WDPCP: variants seen among roughly 807,000 people sequenced by gnomAD.
WDPCP encodes the protein WD repeat containing planar cell polarity effector.
In WDPCP, 71 loss-of-function variants were observed where a neutral mutation model predicts 93.1. The ratio of observed to expected loss-of-function variants is 0.76; its 90% CI spans 0.63 to 0.93. The LOEUF (loss-of-function observed/expected upper bound fraction) is 0.93, where lower values mean the gene tolerates loss of function less well. Among genes scored for constraint, WDPCP ranks in the 40% least tolerant of loss-of-function variants. WDPCP has a pLI of 0.00. For synonymous variants in WDPCP, 315 were observed against 315.0 expected, an observed-to-expected ratio of 1.00 and a Z score of 0.00; for missense variants, 844 against 887.4, an observed-to-expected ratio of 0.95 and a Z score of 0.62.
intron 2 of WDPCP, among the ~76,000 whole-genome samples, chr2:63,675,427 G>A (rs1254655623): frequency 6.6e-6 from 1 of 152,112 alleles, no homozygotes; most frequent in African/African-American, 2.4e-5. Flanking sequence ...GCAGGTAAGG[G>A]AATGGTTCTA....
intron 9 of WDPCP, among the ~76,000 whole-genome samples, chr2:63,410,116 C>A (rs774178686): frequency 2.0e-5 from 3 of 152,140 alleles, no homozygotes; most frequent in Non-Finnish European, 2.9e-5. Flanking sequence ...AGCTGTGAGA[C>A]AGAAGCACGT....
chr2:63,710,409 G>A (rs1273865913), intron 2 of WDPCP, among the ~76,000 whole-genome samples: 1 of 152,122 alleles, frequency 6.6e-6, no homozygotes, highest in Non-Finnish European at 1.5e-5. Flanking sequence ...AGCAGTAATA[G>A]CCCCTCATTG....
intron 12 of WDPCP, among the ~76,000 whole-genome samples, chr2:63,328,596 A>C (rs1351892632): frequency 6.6e-6 from 1 of 152,062 alleles, no homozygotes; most frequent in Non-Finnish European, 1.5e-5. Flanking sequence ...GAACTGTAAC[A>C]CTCACTGCGA....
In WDPCP at chr2:63,282,480, G is replaced by T. The variant is rs544991841; in HGVS notation, c.1813-23071C>A. 2.0e-5 allele frequency among the ~76,000 whole-genome samples: 3 copies of T among 152,296 alleles called. No homozygotes were observed. In the East Asian group the frequency reaches 5.8e-4, roughly 29 times the overall value. ...AGATCGCGCCACTGCACTCCAGCCT[G>T]GGCGACAGAGCGAGACTCTGTCTCA... On this transcript the variant is annotated intron_variant, in intron 13 of 17. Transcript: ENST00000272321.
intron 12 of WDPCP, among the ~76,000 whole-genome samples, chr2:63,352,048 G>C (rs549049475): frequency 2.6e-5 from 4 of 152,180 alleles, no homozygotes; most frequent in African/African-American, 9.6e-5. Flanking sequence ...TTTCATGTTT[G>C]TTGGCTGCTT....
chr2:63,692,326 A>G (rs984917973), intron 2 of WDPCP, among the ~76,000 whole-genome samples: 1 of 152,162 alleles, frequency 6.6e-6, no homozygotes, highest in African/African-American at 2.4e-5. Flanking sequence ...TGTATGAGAG[A>G]AACTGGAATG....
intron 12 of WDPCP, among the ~76,000 whole-genome samples, chr2:63,371,332 G>A (rs546959730): frequency 7.9e-5 from 12 of 152,046 alleles, no homozygotes; most frequent in African/African-American, 1.7e-4. Flanking sequence ...GGCCACCATC[G>A]CTTACTCAAT....
Position 63,770,444 on chromosome 2 carries a change from C to A in WDPCP, n.308+43178G>T, listed in dbSNP as rs114617478. On this transcript the variant is annotated intron_variant and non_coding_transcript_variant, in intron 2 of 4. Coordinates refer to the WDPCP transcript ENST00000467687. ...GTTAAAGTGAAGCATATTAAATTAT[C>A]TGTATTCAACTATTTTTTACCTACA... Among the ~76,000 whole-genome samples the A allele has an allele frequency of 5.8e-3, 885 of 151,966 alleles. 12 individuals carry two copies. The highest frequency in any genetic ancestry group is 0.02 in the African/African-American group (847 of 41,526).
At chr2:63,126,218 G>A (rs535483623) in intron 17 of WDPCP, among the ~76,000 whole-genome samples, 3 of 152,314 alleles carry the variant, frequency 2.0e-5, no homozygotes, top group African/African-American at 7.2e-5. Context: ...ACAGGTGTAA[G>A]CCAATGCACC....
chr2:63,562,538 TAAA>T (rs1706706065), intron 1 of WDPCP, among the ~76,000 whole-genome samples: 2 of 152,156 alleles, frequency 1.3e-5, no homozygotes, highest in Non-Finnish European at 2.9e-5. Flanking sequence ...ATAAAATTTT[TAAA>T]AATAAAAAAT....
chr2:63,556,078 T>C (rs1044062008), intron 1 of WDPCP, among the ~76,000 whole-genome samples: 4 of 152,132 alleles, frequency 2.6e-5, no homozygotes, highest in African/African-American at 7.2e-5. Context: ...TCTAATCCAC[T>C]GCAAAGAAGC....
Position 63,404,466 on chromosome 2 carries a change from C to T in WDPCP, c.1017G>A (p.Lys339=), listed in dbSNP as rs753529416. 1 of 1,614,098 alleles carries T rather than the reference C, an allele frequency of 6.2e-7. No homozygotes were observed. The highest frequency in any genetic ancestry group is 1.1e-5 in the South Asian group (1 of 91,080). The stretch of plus-strand genomic sequence containing the variant: ...TAACATTCCTGCAGCAGCTGATGGC[C>T]TTTGACTTTAGTGGTATTCTGGTGA... The part of the protein sequence containing the change: ...VSVTRIPLKS[K]AISCCRNVTE... Residue 339 remains lysine, a synonymous_variant, in exon 10 of 18, where the codon AAG becomes AAA. Transcript: ENST00000272321.
At chr2:63,232,706 C>T (rs1209291251) in intron 14 of WDPCP, 1 of 152,860 alleles carries the variant, frequency 6.5e-6, no homozygotes, top group East Asian at 1.9e-4. Context: ...GCTAGGTGAC[C>T]ATTCAATCAC....
intron 7 of WDPCP, 48 bp downstream of exon 7, chr2:63,439,709 T>C (rs762007866): frequency 4.6e-6 from 7 of 1,520,342 alleles, no homozygotes; most frequent in African/African-American, 2.7e-5. Context: ...CTATTTCTCC[T>C]GCCCCACTGT....
At chr2:63,245,087 T>A (rs775909406) in intron 14 of WDPCP, among the ~76,000 whole-genome samples, 3 of 152,108 alleles carry the variant, frequency 2.0e-5, no homozygotes, top group Non-Finnish European at 2.9e-5. Context: ...CACGCACAGT[T>A]TATTAAATGT....
At chr2:63,324,317 CT>C (rs1201086123) in intron 12 of WDPCP, among the ~76,000 whole-genome samples, 1 of 152,106 alleles carries the variant, frequency 6.6e-6, no homozygotes, top group African/African-American at 2.4e-5. Flanking sequence ...ATGGCTCCCC[CT>C]CCTATTAATG....
At position 63,404,893 on chromosome 2, in the gene WDPCP, T is replaced by C. The variant is rs150191976; in HGVS notation, c.826-236A>G. 5.2e-3 allele frequency among the ~76,000 whole-genome samples: 791 copies of C among 152,264 alleles called. 10 individuals are homozygous for C. Among genetic ancestry groups the C allele is most frequent in the African/African-American group, 0.018 (733 of 41,566 alleles). On this transcript the variant is annotated intron_variant, in intron 9 of 17. Transcript: ENST00000272321. ...CTTAAAAAAATAAAAAATATACATA[T>C]AGCACAGCTGCAAGAATTAAACTAT...
intron 8 of WDPCP, among the ~76,000 whole-genome samples, chr2:63,436,176 A>G (rs1035270193): frequency 6.6e-6 from 1 of 152,134 alleles, no homozygotes; most frequent in Non-Finnish European, 1.5e-5. Flanking sequence ...CAGTATTTCA[A>G]GTAAATCTGA....
At chr2:63,622,981 T>C (rs1311840573) in intron 3 of WDPCP, 1 of 661,000 alleles carries the variant, frequency 1.5e-6, no homozygotes. Flanking sequence ...AAGCAGCTGC[T>C]GCCGCCGCCA....
Sources: gnomAD v4.1 joint callset for allele counts (sites outside exome capture counted in the v4.1 genomes callset) on GRCh38, gnomAD v4.1.1 for gene constraint, MANE v1.5 for transcripts, NCBI Gene and HGNC (gene_info 2026-07-23, HGNC 2026-07-21) for gene names.